PI4KB: variants seen among roughly 807,000 people sequenced by gnomAD.
PI4KB encodes phosphatidylinositol 4-kinase beta.
Under a neutral mutation model 81.4 loss-of-function variants are expected in PI4KB, and 23 were observed. The ratio of observed to expected loss-of-function variants is 0.28; its 90% CI spans 0.20 to 0.40. The LOEUF (loss-of-function observed/expected upper bound fraction) is 0.40, where lower values mean the gene tolerates loss of function less well. Ranked by LOEUF, PI4KB falls within the 10% of genes least tolerant of loss-of-function variation. The probability of loss-of-function intolerance (pLI) is 1.00; values close to 1 mark genes in which losing one functional copy is unlikely to be tolerated. For synonymous variants in PI4KB, 381 were observed against 406.8 expected (o/e 0.94, Z 0.76); for missense variants, 651 against 1,036.6 (o/e 0.63, Z 5.11).
chr1:151,327,212 A>AGGGTGGGGG, intron 1 of PI4KB, 59 bp downstream of exon 1: 2 of 79,244 alleles, frequency 2.5e-5, no homozygotes, highest in Non-Finnish European at 2.5e-5. Flanking sequence ...AGGGTGGGAG[A>AGGGTGGGGG]GGGACCCCCC....
chr1:151,322,466 G>C (rs944319168), intron 1 of PI4KB, among the ~76,000 whole-genome samples: 2 of 152,118 alleles, frequency 1.3e-5, no homozygotes, highest in Non-Finnish European at 2.9e-5. Context: ...GGACTTATTG[G>C]ATCAGTCTCT....
chr1:151,302,184 C>T lies in PI4KB; in HGVS notation c.1625+10G>A, dbSNP rs772604747. 35 of 1,603,054 alleles carry T rather than the reference C, an allele frequency of 2.2e-5. No individual in the cohort carries two copies. The highest frequency in any genetic ancestry group is 3.3e-4 in the Middle Eastern group (2 of 6,058). On this transcript the variant is annotated intron_variant, in intron 7 of 11. Coordinates refer to ENST00000368873, the MANE Select transcript of PI4KB (RefSeq NM_001369623.2). ...TTTGAGAGGGGTTCAGAGACCCACA[C>T]CCAACTCACCGTACTTTCTCCTGCC... is the stretch of plus-strand genomic sequence containing the variant.
intron 11 of PI4KB, 101 bp from the exon 12 acceptor site, chr1:151,293,134 C>G: frequency 6.5e-7 from 1 of 1,535,420 alleles, no homozygotes; most frequent in Non-Finnish European, 8.8e-7. Flanking sequence ...TGCCCTTTTC[C>G]TCCCACCTCA....
In PI4KB at chr1:151,315,635, T is replaced by G. The variant is rs1647816256; in HGVS notation, c.847A>C (p.Ile283Leu). Residue 283 changes from isoleucine to leucine, a missense_variant, in exon 2 of 12, where the codon ATA (isoleucine) becomes CTA (leucine). Transcript: ENST00000368873. Reference protein sequence around the residue: ...QRSKSDATASISLSSNLKRTA... With the variant: ...QRSKSDATASLSLSSNLKRTA... ...CGTTTCAGGTTGCTGCTGAGACTTA[T>G]GCTGGCAGTGGCATCTGACTTAGAG... The G allele has an allele frequency of 3.1e-6, 5 of 1,614,166 alleles. No individual in the cohort carries two copies. Among genetic ancestry groups the G allele is most frequent in the Non-Finnish European group, 4.2e-6 (5 of 1,180,018 alleles).
chr1:151,306,271 A>G lies in PI4KB; in HGVS notation c.1275T>C (p.Ser425=), dbSNP rs2101955791. 1 of 1,613,528 alleles carries G rather than the reference A, an allele frequency of 6.2e-7. No homozygotes were observed. Among genetic ancestry groups the G allele is most frequent in the Non-Finnish European group, 8.5e-7 (1 of 1,179,828 alleles). Residue 425 remains serine, a synonymous_variant, in exon 5 of 12, where the codon AGT becomes AGC. Coordinates refer to ENST00000368873, the MANE Select transcript of PI4KB (RefSeq NM_001369623.2). ...CGGGCAAGTTTTCTACGGACCTCGT[A>G]CTCCGAATTCGGTTCTCGGGGATCC... The part of the protein sequence containing the change: ...PARIPENRIR[S]TRSVENLPEC...
At chr1:151,295,381 T>A (rs927892108) in intron 9 of PI4KB, among the ~76,000 whole-genome samples, 5 of 152,224 alleles carry the variant, frequency 3.3e-5, no homozygotes, top group Non-Finnish European at 7.3e-5. Context: ...ACCTGAGTTC[T>A]TCCCCACTCA....
chr1:151,296,379 T>A (rs931991303), intron 9 of PI4KB, among the ~76,000 whole-genome samples: 1 of 152,172 alleles, frequency 6.6e-6, no homozygotes, highest in South Asian at 2.1e-4. Context: ...CTGACTGTTA[T>A]TTCCCTCATG....
intron 5 of PI4KB, among the ~76,000 whole-genome samples, chr1:151,304,533 C>T (rs1317860334): frequency 1.3e-5 from 2 of 151,420 alleles, no homozygotes; most frequent in African/African-American, 2.4e-5. Context: ...TTAGTAGGAA[C>T]GGGGTTTCAC....
At chr1:151,323,956 AT>A (rs1017157480) in intron 1 of PI4KB, among the ~76,000 whole-genome samples, 219 of 145,274 alleles carry the variant, frequency 1.5e-3, no homozygotes, top group African/African-American at 3.9e-3. Context: ...TCAAAAAAAA[AT>A]TTTTTTTTTT....
intron 1 of PI4KB, among the ~76,000 whole-genome samples, chr1:151,320,323 G>A (rs929211324): frequency 6.6e-6 from 1 of 152,222 alleles, no homozygotes; most frequent in African/African-American, 2.4e-5. Flanking sequence ...GTGAGCTGCC[G>A]CGCCCGGCCC....
At chr1:151,303,295 G>C (rs1468928830) in intron 6 of PI4KB, 7 of 418,284 alleles carry the variant, frequency 1.7e-5, no homozygotes, top group South Asian at 1.2e-4. Context: ...CACTATGCCC[G>C]GCCCCTCTGG....
In PI4KB at chr1:151,310,274, G is replaced by A; in HGVS notation, c.910-19C>T. ...AGAGCTCCTGGGAAAGGGCCAGAGG[G>A]CAAAGGGAGAAGGAGGGGGTGGGAA... On this transcript the variant is annotated intron_variant, in intron 2 of 11. Transcript: ENST00000368873. 1 of 1,294,434 alleles carries A rather than the reference G, an allele frequency of 7.7e-7. No individual in the cohort carries two copies. The highest frequency in any genetic ancestry group is 1.1e-6 in the Non-Finnish European group (1 of 924,144). 80.2% of individuals were successfully genotyped at this position (1,294,434 alleles called of 1,614,324 possible). A position where few individuals can be genotyped will look rare whatever the true frequency, so the allele number is the denominator to read the frequency against.
chr1:151,304,506 G>C (rs1221828867), intron 5 of PI4KB, among the ~76,000 whole-genome samples: 1 of 151,354 alleles, frequency 6.6e-6, no homozygotes, highest in Non-Finnish European at 1.5e-5. Flanking sequence ...ACCATGCCTG[G>C]CTAATTTTTT....
chr1:151,326,092 A>G (rs1649571196), intron 1 of PI4KB: 1 of 1,283,284 alleles, frequency 7.8e-7, no homozygotes, highest in Admixed American at 1.7e-5. Context: ...ATGGATCTGG[A>G]CAGGGGTGAG....
rs1278297082 is a variant in PI4KB, at chr1:151,316,242, C to T, written c.240G>A (p.Gly80=). 1.2e-6 allele frequency: 2 copies of T among 1,614,070 alleles called. No individual in the cohort carries two copies. The highest frequency in any genetic ancestry group is 8.5e-7 in the Non-Finnish European group (1 of 1,180,054). The change falls in exon 2 of 12, where the codon GGG becomes GGA. Residue 80 remains glycine (G), a synonymous_variant. Coordinates refer to ENST00000368873, the MANE Select transcript of PI4KB (RefSeq NM_001369623.2). ...SRGTPLELVN[G]DGVDSEIRCL... Reference sequence around the variant, plus strand: ...AACGGATCTCACTGTCCACACCATCCCCATTGACCAACTCCAGTGGGGTGC... The same window carrying T: ...AACGGATCTCACTGTCCACACCATCTCCATTGACCAACTCCAGTGGGGTGC...
intron 1 of PI4KB, among the ~76,000 whole-genome samples, chr1:151,320,524 A>G (rs1360199741): frequency 6.6e-6 from 1 of 152,158 alleles, no homozygotes; most frequent in Non-Finnish European, 1.5e-5. Context: ...CCTGATGCAG[A>G]TTGAGCTTGG....
intron 4 of PI4KB, among the ~76,000 whole-genome samples, chr1:151,307,006 C>T (rs587703652): frequency 6.6e-5 from 10 of 152,060 alleles, no homozygotes; most frequent in South Asian, 6.2e-4. Context: ...ACCTGGGTTG[C>T]GGAGGTTGCA....
At chr1:151,325,057 T>C (rs1649420911) in intron 1 of PI4KB, 2 of 215,680 alleles carry the variant, frequency 9.3e-6, no homozygotes, top group Non-Finnish European at 1.6e-5. Context: ...AGTGGCGTGA[T>C]CTCGGCTCAC....
intron 1 of PI4KB, among the ~76,000 whole-genome samples, chr1:151,322,089 C>A (rs1232885619): frequency 6.6e-6 from 1 of 152,148 alleles, no homozygotes; most frequent in South Asian, 2.1e-4. Flanking sequence ...TGAGGCTCTA[C>A]ACTTCACACT....
Sources: gnomAD v4.1 joint callset for allele counts (sites outside exome capture counted in the v4.1 genomes callset) on GRCh38, gnomAD v4.1.1 for gene constraint, MANE v1.5 for transcripts, NCBI Gene and HGNC (gene_info 2026-07-23, HGNC 2026-07-21) for gene names.